The following PPARGC1A variants were observed in gnomAD, a reference collection of about 807,000 sequenced individuals.
PPARGC1A encodes peroxisome proliferator-activated receptor gamma coactivator 1-alpha.
In PPARGC1A, 25 loss-of-function variants were observed where a neutral mutation model predicts 88.7. That is an observed-to-expected ratio of 0.28 (90% CI 0.21 to 0.39). The LOEUF (loss-of-function observed/expected upper bound fraction) is 0.39, where lower values mean the gene tolerates loss of function less well. PPARGC1A is among the 10% of genes least tolerant of loss of function. The pLI is 1.00. For synonymous variants in PPARGC1A, 363 were observed against 355.6 expected, an observed-to-expected ratio of 1.02 and a Z score of -0.24; for missense variants, 880 against 968.7, an observed-to-expected ratio of 0.91 and a Z score of 1.22.
the PPARGC1A span, among the ~76,000 whole-genome samples, chr4:24,449,021 G>A: frequency 2.6e-5 from 4 of 152,212 alleles, no homozygotes; most frequent in South Asian, 2.1e-4. Flanking sequence ...ATCATAAAAC[G>A]TTGTTTTCCC....
intron 2 of PPARGC1A, among the ~76,000 whole-genome samples, chr4:23,860,756 A>G (rs1731110609): frequency 6.6e-6 from 1 of 152,314 alleles, no homozygotes; most frequent in South Asian, 2.1e-4. Flanking sequence ...CTAAAAAGTC[A>G]AGGAAATCTA....
chr4:24,081,490 C>G, the PPARGC1A span, among the ~76,000 whole-genome samples: 1 of 152,216 alleles, frequency 6.6e-6, no homozygotes, highest in African/African-American at 2.4e-5. Flanking sequence ...TGTAATAGAC[C>G]TGCTGGACTC....
the PPARGC1A span, among the ~76,000 whole-genome samples, chr4:24,441,030 C>A: frequency 6.6e-6 from 1 of 152,122 alleles, no homozygotes; most frequent in South Asian, 2.1e-4. Flanking sequence ...AGGTTCCCCA[C>A]CATTCCCAAG....
At position 23,801,778 on chromosome 4, in the gene PPARGC1A, A is replaced by G. The variant is rs763974077; in HGVS notation, c.2245T>C (p.Tyr749His). Residue 749 changes from tyrosine (Y) to histidine (H), a missense_variant, in exon 12 of 13, where the codon TAC (tyrosine) becomes CAC (histidine). Coordinates refer to ENST00000264867, the MANE Select transcript of PPARGC1A (RefSeq NM_013261.5). ...RRSNETDFEL[Y>H]FCGRKQFFKS... ...AAAAATTGCTTGCGTCCACAAAAGT[A>G]CAGCTCAAAGTCAGTTTCGTTTGAC... The G allele has an allele frequency of 1.2e-6, 2 of 1,614,062 alleles. No homozygotes were observed. Among genetic ancestry groups the G allele is most frequent in the Non-Finnish European group, 1.7e-6 (2 of 1,179,972 alleles).
chr4:24,141,699 C>T, the PPARGC1A span, among the ~76,000 whole-genome samples: 1 of 152,136 alleles, frequency 6.6e-6, no homozygotes, highest in Non-Finnish European at 1.5e-5. Flanking sequence ...AGGAATGTTG[C>T]TTGTTTTTAT....
At chr4:23,809,779 C>T (rs556573526) in intron 10 of PPARGC1A, among the ~76,000 whole-genome samples, 8 of 152,154 alleles carry the variant, frequency 5.3e-5, no homozygotes, top group Admixed American at 2.6e-4. Flanking sequence ...TCAAATTAAC[C>T]GTGTGGCTAA....
the PPARGC1A span, among the ~76,000 whole-genome samples, chr4:24,100,244 T>TCCTATATAC: frequency 2.6e-5 from 4 of 152,194 alleles, no homozygotes; most frequent in Non-Finnish European, 5.9e-5. Context: ...ACCTTGAAGG[T>TCCTATATAC]CTATTGGCAT....
the PPARGC1A span, among the ~76,000 whole-genome samples, chr4:24,418,050 A>ATT: frequency 3.3e-5 from 5 of 152,034 alleles, no homozygotes; most frequent in Non-Finnish European, 7.4e-5. Context: ...ATTATATGTC[A>ATT]TTTTAATTAA....
At chr4:23,871,434 C>T (rs574091460) in intron 2 of PPARGC1A, among the ~76,000 whole-genome samples, 1 of 152,234 alleles carries the variant, frequency 6.6e-6, no homozygotes, top group East Asian at 1.9e-4. Flanking sequence ...TCCTATATGG[C>T]ATTGCTGTGT....
In PPARGC1A at chr4:23,824,505, T is replaced by G. The variant is rs767582250; in HGVS notation, c.761A>C (p.Lys254Thr). 1.9e-6 allele frequency: 3 copies of G among 1,601,146 alleles called. No individual in the cohort carries two copies. The highest frequency in any genetic ancestry group is 2.6e-6 in the Non-Finnish European group (3 of 1,172,298). Residue 254 changes from lysine to threonine, a missense_variant, in exon 6 of 13, where the codon AAA (lysine) becomes ACA (threonine). By Grantham distance (78) the Lys-to-Thr change is moderately conservative. Coordinates refer to ENST00000264867, the MANE Select transcript of PPARGC1A (RefSeq NM_013261.5). ...TQSQSQHLQAKPTTLSLPLTP... is the reference protein window; with the variant it reads ...TQSQSQHLQATPTTLSLPLTP... ...CAGAGGAAGAGATAAAGTTGTTGGT[T>G]TGGCTAAAGAAAAAAAAAAGAAACT...
chr4:24,083,600 C>T, the PPARGC1A span, among the ~76,000 whole-genome samples: 35 of 152,210 alleles, frequency 2.3e-4, no homozygotes, highest in Admixed American at 2.0e-3. Flanking sequence ...GTCAGTGAGA[C>T]GTCATTCCAA....
the PPARGC1A span, among the ~76,000 whole-genome samples, chr4:24,066,570 A>G: frequency 3.3e-5 from 5 of 152,122 alleles, no homozygotes; most frequent in Non-Finnish European, 7.4e-5. Flanking sequence ...CAGTGAGAGG[A>G]CAGTTTGTAT....
chr4:24,041,878 T>C, the PPARGC1A span, among the ~76,000 whole-genome samples: 1 of 151,814 alleles, frequency 6.6e-6, no homozygotes, highest in Non-Finnish European at 1.5e-5. Context: ...AGGTGTCAGA[T>C]TGTGAGATAT....
the PPARGC1A span, among the ~76,000 whole-genome samples, chr4:24,020,287 A>G: frequency 6.6e-6 from 1 of 152,194 alleles, no homozygotes; most frequent in African/African-American, 2.4e-5. Flanking sequence ...GCTTAAAAAT[A>G]TATTTATTTT....
At chr4:24,393,013 GCACACACA>G in the PPARGC1A span, among the ~76,000 whole-genome samples, 339 of 146,048 alleles carry the variant, frequency 2.3e-3, 3 homozygotes, top group East Asian at 0.011. Context: ...TGCTCCATCA[GCACACACA>G]CACACACACA....
chr4:23,868,513 A>G (rs967830503), intron 2 of PPARGC1A, among the ~76,000 whole-genome samples: 1 of 152,186 alleles, frequency 6.6e-6, no homozygotes, highest in African/African-American at 2.4e-5. Context: ...TTTAATGTGC[A>G]CAGCTTTGTG....
the PPARGC1A span, among the ~76,000 whole-genome samples, chr4:24,405,789 C>T: frequency 5.9e-5 from 9 of 152,182 alleles, no homozygotes; most frequent in African/African-American, 1.9e-4. Flanking sequence ...TTATTCAACT[C>T]AACTCGAACT....
chr4:24,180,429 T>TA, the PPARGC1A span, among the ~76,000 whole-genome samples: 4 of 152,216 alleles, frequency 2.6e-5, no homozygotes, highest in African/African-American at 9.6e-5. Context: ...GTGTGCCACT[T>TA]AAAAATCATC....
At chr4:24,202,612 G>C in the PPARGC1A span, among the ~76,000 whole-genome samples, 1 of 152,122 alleles carries the variant, frequency 6.6e-6, no homozygotes. Context: ...GTGGCAAAAG[G>C]TTGGAAAACT....
Sources: gnomAD v4.1 joint callset for allele counts (sites outside exome capture counted in the v4.1 genomes callset) on GRCh38, gnomAD v4.1.1 for gene constraint, MANE v1.5 for transcripts, NCBI Gene and HGNC (gene_info 2026-07-23, HGNC 2026-07-21) for gene names.